Variants in GRM6 observed in about 807,000 individuals in gnomAD.
GRM6 encodes the protein metabotropic glutamate receptor 6.
A neutral mutation model predicts 78.4 loss-of-function variants in GRM6; 73 were observed. That is an observed-to-expected ratio of 0.93 (90% CI 0.77 to 1.13). The LOEUF (loss-of-function observed/expected upper bound fraction) is 1.13, where lower values mean the gene tolerates loss of function less well. Among genes scored for constraint, GRM6 ranks in the 50% most tolerant of loss-of-function variants. The pLI, the probability that GRM6 is intolerant of heterozygous loss-of-function variation, is 0.00. For missense variants in GRM6, 1,251 were observed against 1,256.4 expected, an observed-to-expected ratio of 1.00 and a Z score of 0.07; for synonymous variants, 580 against 555.0, an observed-to-expected ratio of 1.05 and a Z score of -0.63.
At position 178,981,341 on chromosome 5, in the gene GRM6, C is replaced by T. The variant is rs1581890388; in HGVS notation, c.*316G>A. On this transcript the variant is annotated 3_prime_UTR_variant, in exon 11 of 11. Transcript: ENST00000517717. The surrounding 1 kb of genome is among the most constrained non-coding windows in gnomAD (Gnocchi z 5.1). ...CCCGCAAACCAGGCAAAGCCCAGGG[C>T]TTCATCATCCTCTTTGGACTTCGGA... 3.0e-6 allele frequency: 1 copy of T among 332,390 alleles called. No individual in the cohort carries two copies. Among genetic ancestry groups the T allele is most frequent in the East Asian group, 6.6e-5 (1 of 15,084 alleles). The allele number at this position is 332,390 out of a possible 1,614,324, so 20.6% of individuals were successfully genotyped here. A position where few individuals can be genotyped will look rare whatever the true frequency, so the allele number is the denominator to read the frequency against.
chr5:178,989,632 C>G (rs1382526756), intron 5 of GRM6: 3 of 612,664 alleles, frequency 4.9e-6, no homozygotes, highest in Non-Finnish European at 8.8e-6. Flanking sequence ...TGACCAAGTT[C>G]TGATTGGTGG....
rs1442446391 is a variant in GRM6 at position 178,991,562 on chromosome 5, G to C, written c.722-3C>G. On this transcript the variant is annotated splice_polypyrimidine_tract_variant and splice_region_variant and intron_variant, in intron 3 of 10. Transcript: ENST00000517717. The surrounding 1 kb of genome is among the most constrained non-coding windows in gnomAD (Gnocchi z 5.0). Reference sequence around the variant, plus strand: ...AGACTGGGCAATACAGACCCCCCCTGGGCGTTGGGGGTGCCAGAGTCAGCT... The same window carrying C: ...AGACTGGGCAATACAGACCCCCCCTCGGCGTTGGGGGTGCCAGAGTCAGCT... 1.2e-6 allele frequency: 2 copies of C among 1,613,808 alleles called. No individual in the cohort carries two copies. The highest frequency in any genetic ancestry group is 1.7e-5 in the Admixed American group (1 of 60,014).
Position 178,983,149 on chromosome 5 carries a change from C to G in GRM6, c.2197G>C (p.Val733Leu), listed in dbSNP as rs1372151734. 1 of 1,613,974 alleles carries G rather than the reference C, an allele frequency of 6.2e-7. No individual in the cohort carries two copies. The highest frequency in any genetic ancestry group is 1.1e-5 in the South Asian group (1 of 91,078). ...SVIDYEEQRT[V>L]DPEQARGVLK... ...ACCCCTCTGGCCTGCTCGGGGTCCA[C>G]CGTCCGCTGTTCCTCATAGTCAATC... The change falls in exon 10 of 11, where the codon GTG (valine) becomes CTG (leucine). Residue 733 changes from valine to leucine, a missense_variant. By Grantham distance (32) the Val-to-Leu change is conservative. Transcript: ENST00000517717.
At chr5:178,994,377 G>A in intron 2 of GRM6, 64 bp downstream of exon 2, 1 of 1,377,900 alleles carries the variant, frequency 7.3e-7, no homozygotes, top group Non-Finnish European at 9.5e-7. Context: ...AGGAGACTTG[G>A]GCCACCCCAG....
intron 9 of GRM6, 106 bp from the exon 10 acceptor site, chr5:178,983,327 A>G (rs754699759): frequency 7.5e-5 from 71 of 942,086 alleles, no homozygotes; most frequent in Admixed American, 4.2e-4. Context: ...GCTCTGGCCT[A>G]TGGAGGGGAT....
At chr5:178,983,545 C>A in intron 9 of GRM6, 1 of 532,948 alleles carries the variant, frequency 1.9e-6, no homozygotes, top group Non-Finnish European at 3.6e-6. Flanking sequence ...CTAGCCATTA[C>A]CAATGCCATT....
Position 178,994,726 on chromosome 5 carries a change from C to G in GRM6, c.219G>C (p.Leu73=). 1 of 1,464,842 alleles carries G rather than the reference C, an allele frequency of 6.8e-7. No homozygotes were observed. Among genetic ancestry groups the G allele is most frequent in the Non-Finnish European group, 9.0e-7 (1 of 1,110,312 alleles). The allele number at this position is 1,464,842 out of a possible 1,614,324, so 90.7% of individuals were successfully genotyped here. ...EQGVHRLEAM[L]YALDRVNADP... ...CGGCGTTGACGCGGTCCAGCGCGTACAGCATGGCCTCCAGCCGGTGCACGC... is the reference window on the plus strand; with the variant it reads ...CGGCGTTGACGCGGTCCAGCGCGTAGAGCATGGCCTCCAGCCGGTGCACGC... Residue 73 remains leucine, a synonymous_variant, in exon 2 of 11, where the codon CTG becomes CTC. Coordinates refer to ENST00000517717, the MANE Select transcript of GRM6 (RefSeq NM_000843.4).
At chr5:178,989,990 C>A (rs1195163914) in intron 5 of GRM6, 2 of 199,386 alleles carry the variant, frequency 1.0e-5, no homozygotes, top group Admixed American at 5.3e-5. Flanking sequence ...GCCACCTGCA[C>A]CCAGATGCAA....
chr5:178,979,306 A>G lies in GRM6; in HGVS notation c.*2351T>C, dbSNP rs1412765239. 1 of 152,260 alleles carries G rather than the reference A, an allele frequency of 6.6e-6. No individual in the cohort carries two copies. Among genetic ancestry groups the G allele is most frequent in the African/African-American group, 2.4e-5 (1 of 41,472 alleles). 9.4% of individuals were successfully genotyped at this position (152,260 alleles called of 1,614,324 possible). A position where few individuals can be genotyped will look rare whatever the true frequency, so the allele number is the denominator to read the frequency against. On this transcript the variant is annotated 3_prime_UTR_variant, in exon 11 of 11. Transcript: ENST00000517717. The stretch of plus-strand genomic sequence containing the variant: ...AACTGTATGCACACACCGAGTGTGG[A>G]AAAGCCCTCTTGTGGAAGTCAGTTA...
At position 178,994,589 on chromosome 5, in the gene GRM6, C is replaced by A; in HGVS notation, c.356G>T (p.Gly119Val). The A allele has an allele frequency of 7.4e-7, 1 of 1,349,014 alleles. No individual in the cohort carries two copies. Among genetic ancestry groups the A allele is most frequent in the Non-Finnish European group, 9.5e-7 (1 of 1,053,718 alleles). The allele number at this position is 1,349,014 out of a possible 1,614,324, so 83.6% of individuals were successfully genotyped here. ...ALSFVQALIR[G>V]RGDGDEVGVR... ...GCCCACCTCGTCGCCGTCGCCGCGG[C>A]CGCGGATCAGCGCCTGCACGAAGCT... Residue 119 changes from glycine (G) to valine (V), a missense_variant, in exon 2 of 11, where the codon GGC becomes GTC. Physicochemically the swap from Gly to Val is moderately radical, Grantham distance 109. Coordinates refer to ENST00000517717, the MANE Select transcript of GRM6 (RefSeq NM_000843.4).
At position 178,981,784 on chromosome 5, in the gene GRM6, T is replaced by C. The variant is rs779172935; in HGVS notation, c.2507A>G (p.Tyr836Cys). The change falls in exon 11 of 11, where the codon TAC becomes TGC. Residue 836 changes from tyrosine to cysteine, a missense_variant. Transcript: ENST00000517717. This position sits in a 1 kb window ranked among gnomAD's most constrained non-coding sequence, Gnocchi z 5.1. ...GAGGATGACGTAGGTTTTGGGTACGTAGAGCATGCCGAGGGACACCGAGGC... is the reference window on the plus strand; with the variant it reads ...GAGGATGACGTAGGTTTTGGGTACGCAGAGCATGCCGAGGGACACCGAGGC... Reference protein sequence around the residue: ...LSASVSLGMLYVPKTYVILFH... With the variant: ...LSASVSLGMLCVPKTYVILFH... The C allele has an allele frequency of 2.5e-6, 4 of 1,612,784 alleles. No individual in the cohort carries two copies. In the East Asian group the frequency reaches 8.9e-5, roughly 36 times the overall value.
intron 2 of GRM6, among the ~76,000 whole-genome samples, 171 bp downstream of exon 2, chr5:178,994,270 C>T (rs1188596224): frequency 6.6e-6 from 1 of 152,198 alleles, no homozygotes; most frequent in Non-Finnish European, 1.5e-5. Context: ...TGGGTGGAGC[C>T]GATTCAGGCC....
Position 178,986,188 on chromosome 5 carries a change from G to A in GRM6, c.2066C>T (p.Pro689Leu). 1 of 1,613,994 alleles carries A rather than the reference G, an allele frequency of 6.2e-7. No individual in the cohort carries two copies. The highest frequency in any genetic ancestry group is 8.5e-7 in the Non-Finnish European group (1 of 1,179,972). Reference protein sequence around the residue: ...FEQGKRSVTPPPFISPTSQLV... With the variant: ...FEQGKRSVTPLPFISPTSQLV... ...CTGTGAGGTGGGGCTGATGAAGGGA[G>A]GGGGTGTGACCGAGCGCTTGCCCTG... Residue 689 changes from proline to leucine, a missense_variant, in exon 9 of 11, where the codon CCT (proline) becomes CTT (leucine). By Grantham distance (98) the Pro-to-Leu change is moderately conservative. Coordinates refer to ENST00000517717, the MANE Select transcript of GRM6 (RefSeq NM_000843.4).
intron 10 of GRM6, 49 bp downstream of exon 10, chr5:178,982,861 G>A (rs748378397): frequency 3.0e-6 from 4 of 1,344,794 alleles, no homozygotes; most frequent in Non-Finnish European, 4.3e-6. Flanking sequence ...GAATCGACCA[G>A]CCTGACAGGC....
chr5:178,989,211 A>AGGCCCCCCCCC, intron 6 of GRM6, 54 bp downstream of exon 6: 1 of 121,740 alleles, frequency 8.2e-6, no homozygotes, highest in Non-Finnish European at 1.3e-5. Context: ...CCCCCTCCCC[A>AGGCCCCCCCCC]CCCTCACCAC....
chr5:178,985,568 TG>T (rs1315330393), intron 9 of GRM6: 1 of 338,790 alleles, frequency 3.0e-6, no homozygotes, highest in African/African-American at 2.2e-5. Context: ...CCGGGCGTGG[TG>T]GCGGGCGCCT....
rs1235417595 is a variant in GRM6 at position 178,978,443 on chromosome 5, A to G, written c.*3214T>C. On this transcript the variant is annotated 3_prime_UTR_variant, in exon 11 of 11. Transcript: ENST00000517717. ...AAAGGGAAATTTCTAAAGAGCAAAA[A>G]GGATAAGAAATGGGACAAAGCTATA... 2.0e-5 allele frequency: 3 copies of G among 152,238 alleles called. No homozygotes were observed. The highest frequency in any genetic ancestry group is 1.3e-4 in the Admixed American group (2 of 15,284). The allele number at this position is 152,238 out of a possible 1,614,324, so 9.4% of individuals were successfully genotyped here.
rs1760361877 is a variant in GRM6, at chr5:178,980,084, G to A, written c.*1573C>T. 1 of 154,318 alleles carries A rather than the reference G, an allele frequency of 6.5e-6. No individual in the cohort carries two copies. The highest frequency in any genetic ancestry group is 1.5e-5 in the Non-Finnish European group (1 of 68,198). 9.6% of individuals were successfully genotyped at this position (154,318 alleles called of 1,614,324 possible). On this transcript the variant is annotated 3_prime_UTR_variant, in exon 11 of 11. Coordinates refer to ENST00000517717, the MANE Select transcript of GRM6 (RefSeq NM_000843.4). This position sits in a 1 kb window ranked among gnomAD's most constrained non-coding sequence, Gnocchi z 4.3. ...TGTTTCTCAGAGGAGAAGCTTTTAA[G>A]TTAATTACTTAAAACCTGCAGAAGC...
Position 178,991,882 on chromosome 5 carries a change from T to A in GRM6, c.706A>T (p.Ile236Phe), listed in dbSNP as rs17078896. The part of the protein sequence containing the change: ...GESGVEAFVQ[I>F]SREAGGVCIA... ...CCCAGCTCACCAGCCTCTCGGGAGATCTGAACGAAGGCCTCAACCCCACTT... is the reference window on the plus strand; with the variant it reads ...CCCAGCTCACCAGCCTCTCGGGAGAACTGAACGAAGGCCTCAACCCCACTT... Residue 236 changes from isoleucine to phenylalanine, a missense_variant, in exon 3 of 11, where the codon ATC becomes TTC. Physicochemically the swap from Ile to Phe is conservative, Grantham distance 21. Transcript: ENST00000517717. The surrounding 1 kb of genome is among the most constrained non-coding windows in gnomAD (Gnocchi z 5.0). The A allele has an allele frequency of 6.2e-7, 1 of 1,613,766 alleles. No individual in the cohort carries two copies. Among genetic ancestry groups the A allele is most frequent in the Non-Finnish European group, 8.5e-7 (1 of 1,179,870 alleles).
Sources: allele counts gnomAD v4.1 joint callset (sites outside exome capture counted in the v4.1 genomes callset), GRCh38; gene constraint gnomAD v4.1.1; non-coding constraint Gnocchi (gnomAD v3.1); transcripts MANE v1.5; gene names NCBI Gene and HGNC (gene_info 2026-07-23, HGNC 2026-07-21).